CDCP1: variants seen among roughly 807,000 people sequenced by gnomAD.
CDCP1 encodes the protein CUB domain-containing protein 1.
Under a neutral mutation model 60.2 loss-of-function variants are expected in CDCP1, and 29 were observed. The ratio of observed to expected loss-of-function variants is 0.48; its 90% confidence interval spans 0.36 to 0.66. CDCP1 has a LOEUF of 0.66. Among genes scored for constraint, CDCP1 ranks in the 30% least tolerant of loss-of-function variants. The probability of loss-of-function intolerance (pLI) is 0.00; values close to 1 mark genes in which losing one functional copy is unlikely to be tolerated. For synonymous variants in CDCP1, 387 were observed against 431.1 expected, an observed-to-expected ratio of 0.90 and a Z score of 1.27; for missense variants, 876 against 1,074.3, an observed-to-expected ratio of 0.82 and a Z score of 2.58.
In CDCP1 at chr3:45,118,496, T is replaced by G. The variant is rs201811527; in HGVS notation, c.208A>C (p.Ile70Leu). The G allele has an allele frequency of 6.2e-7, 1 of 1,614,206 alleles. No homozygotes were observed. The highest frequency in any genetic ancestry group is 1.7e-5 in the Admixed American group (1 of 60,028). The part of the protein sequence containing the change: ...ISKRHITMLS[I>L]KSGERIVFTF... The stretch of plus-strand genomic sequence containing the variant: ...AAGACTATTCTTTCTCCAGACTTGA[T>G]GGACAACATGGTTATATGTCTTTTA... The change falls in exon 2 of 9, where the codon ATC becomes CTC. Residue 70 changes from isoleucine (I) to leucine (L), a missense_variant. Ile to Leu is a conservative substitution (Grantham distance 5). Around this residue, in one of 2 missense-constraint regions of CDCP1, gnomAD observed 150 missense variants for 138.6 expected, o/e 1.08. Coordinates refer to ENST00000296129, the MANE Select transcript of CDCP1 (RefSeq NM_022842.5).
Position 45,085,758 on chromosome 3 carries a change from G to C in CDCP1, c.2391C>G (p.Ser797=). Residue 797 remains serine, a synonymous_variant, in exon 9 of 9, where the codon TCC becomes TCG. Coordinates refer to ENST00000296129, the MANE Select transcript of CDCP1 (RefSeq NM_022842.5). The surrounding 1 kb of genome is among the most constrained non-coding windows in gnomAD (Gnocchi z 4.2). ...KLATEEPPPR[S]PPESESEPYT... ...ACGGTTCACTCTCAGACTCAGGAGG[G>C]GAGCGAGGAGGTGGCTCCTCAGTGG... 6.2e-7 allele frequency: 1 copy of C among 1,614,166 alleles called. No individual in the cohort carries two copies. Among genetic ancestry groups the C allele is most frequent in the Non-Finnish European group, 8.5e-7 (1 of 1,180,022 alleles).
intron 1 of CDCP1, among the ~76,000 whole-genome samples, chr3:45,143,655 C>T (rs1699333785): frequency 1.3e-5 from 2 of 152,202 alleles, no homozygotes; most frequent in Non-Finnish European, 2.9e-5. Context: ...CTATATGCTA[C>T]TTAAAACATC....
chr3:45,141,148 C>T (rs1054352364), intron 1 of CDCP1, among the ~76,000 whole-genome samples: 2 of 152,014 alleles, frequency 1.3e-5, no homozygotes, highest in South Asian at 2.1e-4. Context: ...TTGCAGTGAG[C>T]CAAGATCATG....
chr3:45,105,175 T>C (rs1444784822), intron 4 of CDCP1, among the ~76,000 whole-genome samples: 1 of 152,196 alleles, frequency 6.6e-6, no homozygotes, highest in East Asian at 1.9e-4. Flanking sequence ...TTTGAAGGGA[T>C]TGGGTTACTG....
chr3:45,101,768 C>T (rs1421804555), intron 4 of CDCP1, among the ~76,000 whole-genome samples: 1 of 151,846 alleles, frequency 6.6e-6, no homozygotes, highest in Non-Finnish European at 1.5e-5. Flanking sequence ...TGCCTGTAAT[C>T]CTAGCTACTC....
At chr3:45,146,042 G>A (rs1314238037) in intron 1 of CDCP1, among the ~76,000 whole-genome samples, 164 bp downstream of exon 1, 1 of 151,836 alleles carries the variant, frequency 6.6e-6, no homozygotes, top group Non-Finnish European at 1.5e-5. Flanking sequence ...AACAGTCCGG[G>A]GGTCCCGGAG....
At chr3:45,121,348 C>G (rs772312403) in intron 1 of CDCP1, among the ~76,000 whole-genome samples, 28 of 152,292 alleles carry the variant, frequency 1.8e-4, no homozygotes, top group Non-Finnish European at 3.1e-4. Flanking sequence ...GATCTATGTT[C>G]AGAAACCCAG....
chr3:45,142,541 T>C (rs1699308529), intron 1 of CDCP1, among the ~76,000 whole-genome samples: 1 of 152,134 alleles, frequency 6.6e-6, no homozygotes, highest in African/African-American at 2.4e-5. Context: ...GAGGAGAGCC[T>C]GGGAGAATGT....
chr3:45,131,867 A>G (rs1351477141), intron 1 of CDCP1, among the ~76,000 whole-genome samples: 1 of 152,228 alleles, frequency 6.6e-6, no homozygotes, highest in African/African-American at 2.4e-5. Flanking sequence ...TAGGCCACGC[A>G]CTGAATAAGG....
At chr3:45,133,717 CAAA>C (rs1215278385) in intron 1 of CDCP1, among the ~76,000 whole-genome samples, 1 of 50,284 alleles carries the variant, frequency 2.0e-5, no homozygotes, top group African/African-American at 1.4e-4. Context: ...GACTCCGTCT[CAAA>C]AAAAAAAAAA....
At chr3:45,114,906 A>G (rs944938885) in intron 2 of CDCP1, among the ~76,000 whole-genome samples, 2 of 152,164 alleles carry the variant, frequency 1.3e-5, no homozygotes, top group African/African-American at 4.8e-5. Flanking sequence ...AGTTGTGAGC[A>G]TGGGTTTTTA....
chr3:45,096,000 A>C (rs1698390670), intron 4 of CDCP1, among the ~76,000 whole-genome samples: 2 of 152,250 alleles, frequency 1.3e-5, no homozygotes, highest in African/African-American at 4.8e-5. Flanking sequence ...ACTTGTAATC[A>C]GAAAATGCAA....
Position 45,121,914 on chromosome 3 carries a change from A to T in CDCP1, c.83-3293T>A, listed in dbSNP as rs781501345. ...CATGTAATAAATTAATAAAAGAATA[A>T]TCATTACCACAGTTAAAATATGGTT... On this transcript the variant is annotated intron_variant, in intron 1 of 8. Transcript: ENST00000296129. Among the ~76,000 whole-genome samples, 8 of 152,290 alleles carry T rather than the reference A, an allele frequency of 5.3e-5. 1 individual carries two copies. The highest frequency in any genetic ancestry group is 1.2e-4 in the Non-Finnish European group (8 of 68,026).
At chr3:45,130,417 C>A (rs1699070623) in intron 1 of CDCP1, among the ~76,000 whole-genome samples, 2 of 152,114 alleles carry the variant, frequency 1.3e-5, no homozygotes, top group Admixed American at 1.3e-4. Flanking sequence ...CTGTGTCCAG[C>A]CACAATAAAA....
chr3:45,124,669 G>T (rs142587132), intron 1 of CDCP1, among the ~76,000 whole-genome samples: 48 of 152,298 alleles, frequency 3.2e-4, no homozygotes, highest in African/African-American at 1.0e-3. Context: ...CCAGCAGCTG[G>T]TGTTTCCTCC....
intron 1 of CDCP1, among the ~76,000 whole-genome samples, chr3:45,138,719 G>A (rs926264052): frequency 6.6e-6 from 1 of 152,084 alleles, no homozygotes; most frequent in African/African-American, 2.4e-5. Context: ...GGTGGTGGCA[G>A]GCGCCTGTAA....
chr3:45,115,009 C>T lies in CDCP1; in HGVS notation c.293-2564G>A, dbSNP rs577800757. Among the ~76,000 whole-genome samples the T allele has an allele frequency of 3.2e-3, 489 of 152,166 alleles. 6 individuals are homozygous for T. Among genetic ancestry groups the T allele is most frequent in the Middle Eastern group, 0.01 (3 of 294 alleles). On this transcript the variant is annotated intron_variant, in intron 2 of 8. Coordinates refer to ENST00000296129, the MANE Select transcript of CDCP1 (RefSeq NM_022842.5). ...AAATGTGTCACTTGTTACATTTTTC[C>T]TTTTTCAAAGTGGAAGTCACTTTAT... is the stretch of plus-strand genomic sequence containing the variant.
At chr3:45,118,150 T>C (rs1445745694) in intron 2 of CDCP1, among the ~76,000 whole-genome samples, 2 of 152,216 alleles carry the variant, frequency 1.3e-5, no homozygotes, top group Non-Finnish European at 2.9e-5. Flanking sequence ...CCTGATCTTC[T>C]GCTTACTAGT....
intron 1 of CDCP1, among the ~76,000 whole-genome samples, chr3:45,119,095 G>A (rs969221060): frequency 1.3e-5 from 2 of 152,032 alleles, no homozygotes; most frequent in Non-Finnish European, 2.9e-5. Flanking sequence ...ACATACACAC[G>A]TACGTACATA....
Sources: allele counts gnomAD v4.1 joint callset (sites outside exome capture counted in the v4.1 genomes callset), GRCh38; gene constraint gnomAD v4.1.1; regional missense constraint gnomAD v4.1.1; non-coding constraint Gnocchi (gnomAD v3.1); transcripts MANE v1.5; gene names NCBI Gene and HGNC (gene_info 2026-07-23, HGNC 2026-07-21).